The following ZNF44 variants were observed in gnomAD, a reference collection of about 807,000 sequenced individuals.
ZNF44 encodes gonadotropin inducible transcription repressor-2.
ZNF44 carries 9 observed loss-of-function variants against 11.7 expected under a neutral mutation model. The observed-to-expected ratio is 0.77, with a 90% CI of 0.46 to 1.35. The LOEUF is 1.35. Among genes scored for constraint, ZNF44 ranks in the 40% most tolerant of loss-of-function variants. ZNF44 has a pLI of 0.00. For missense variants in ZNF44, 696 were observed against 743.1 expected (o/e 0.94, Z 0.74); for synonymous variants, 224 against 242.7 (o/e 0.92, Z 0.72).
At chr19:12,264,254 T>G (rs992856572) in intron 5 of ZNF44, among the ~76,000 whole-genome samples, 1 of 152,196 alleles carries the variant, frequency 6.6e-6, no homozygotes, top group Non-Finnish European at 1.5e-5. Flanking sequence ...CTTTCCTTGA[T>G]AGGTGTGAGT....
At chr19:12,275,063 A>G (rs1255262765) in intron 2 of ZNF44, 30 bp from the exon 3 acceptor site, 4 of 1,495,008 alleles carry the variant, frequency 2.7e-6, no homozygotes, top group East Asian at 4.7e-5. Context: ...AATTCACTAT[A>G]AATTATTACA....
chr19:12,291,580 C>T (rs779216455), intron 1 of ZNF44, among the ~76,000 whole-genome samples: 11 of 151,884 alleles, frequency 7.2e-5, no homozygotes, highest in Non-Finnish European at 1.3e-4. Context: ...CGCCTGTAGT[C>T]GCAGCTACTT....
chr19:12,247,770 C>T (rs1186974532), exon 8 of ZNF44: 2 of 1,308,786 alleles, frequency 1.5e-6, no homozygotes, highest in South Asian at 1.2e-5. Context: ...ACATTTTTTA[C>T]ACTCAAAGGG....
chr19:12,239,121 C>T (rs372186632), upstream of ZNF44, among the ~76,000 whole-genome samples: 43 of 152,180 alleles, frequency 2.8e-4, no homozygotes, highest in South Asian at 8.5e-3. Flanking sequence ...CTGAACTAAA[C>T]AGATTTTTTT....
downstream of ZNF44, among the ~76,000 whole-genome samples, chr19:12,269,836 G>A (rs1966897698): frequency 6.6e-6 from 1 of 152,146 alleles, no homozygotes. Context: ...ATATATCCAT[G>A]GAGGTGATAC....
chr19:12,276,372 T>C (rs1282279279), intron 1 of ZNF44, among the ~76,000 whole-genome samples: 1 of 152,250 alleles, frequency 6.6e-6, no homozygotes, highest in Non-Finnish European at 1.5e-5. Flanking sequence ...ACAGTGGGTC[T>C]GTAGTCCTTG....
intron 1 of ZNF44, among the ~76,000 whole-genome samples, chr19:12,288,961 C>A (rs1967887363): frequency 6.6e-6 from 1 of 151,460 alleles, no homozygotes; most frequent in Admixed American, 6.6e-5. Flanking sequence ...TTATAAATAA[C>A]TAGCTGAACA....
intron 5 of ZNF44, among the ~76,000 whole-genome samples, chr19:12,257,885 C>T (rs1235925430): frequency 1.3e-5 from 2 of 151,232 alleles, no homozygotes; most frequent in South Asian, 2.1e-4. Context: ...GCAGAAGAAT[C>T]ACTTGAACCC....
At chr19:12,294,330 A>G (rs1968147841) in intron 1 of ZNF44, among the ~76,000 whole-genome samples, 1 of 152,046 alleles carries the variant, frequency 6.6e-6, no homozygotes, top group South Asian at 2.1e-4. Flanking sequence ...GTCCTCTCCT[A>G]TTAAACCGTT....
At chr19:12,293,159 C>G in intron 1 of ZNF44, 1 of 1,477,162 alleles carries the variant, frequency 6.8e-7, no homozygotes, top group Non-Finnish European at 9.0e-7. Context: ...CGTGAGCCAC[C>G]GCGCCCAGCC....
upstream of ZNF44, chr19:12,237,921 T>C (rs2459011): frequency 0.061 from 9,291 of 152,330 alleles, 963 homozygotes; most frequent in African/African-American, 0.21. Context: ...GTTTCTTCCT[T>C]CTGGACGGGG....
At chr19:12,229,331 C>T (rs560815629) in intron 3 of ZNF44, among the ~76,000 whole-genome samples, 27 of 152,238 alleles carry the variant, frequency 1.8e-4, no homozygotes, top group African/African-American at 6.5e-4. Context: ...TTGAGAGGTA[C>T]TTATTCACCT....
chr19:12,266,146 G>T, intron 5 of ZNF44: 3 of 625,922 alleles, frequency 4.8e-6, no homozygotes, highest in Non-Finnish European at 6.0e-6. Context: ...GGGACCGAGG[G>T]CCGAGCTGTG....
chr19:12,245,685 G>A (rs76180773), downstream of ZNF44, among the ~76,000 whole-genome samples: 385 of 152,162 alleles, frequency 2.5e-3, 3 homozygotes, highest in African/African-American at 8.8e-3. Flanking sequence ...AGAGATGAGG[G>A]GAGTCAGAAC....
At chr19:12,283,511 A>G (rs1967577372) in intron 1 of ZNF44, among the ~76,000 whole-genome samples, 1 of 151,948 alleles carries the variant, frequency 6.6e-6, no homozygotes, top group South Asian at 2.1e-4. Context: ...TTGTATTTTT[A>G]GTAGAGACGG....
intron 5 of ZNF44, among the ~76,000 whole-genome samples, chr19:12,255,788 C>T (rs1341375599): frequency 1.3e-5 from 2 of 152,046 alleles, no homozygotes; most frequent in Non-Finnish European, 2.9e-5. Flanking sequence ...TCCTGTAATG[C>T]CAGCACTTCG....
intron 1 of ZNF44, chr19:12,285,113 T>G (rs1030554537): frequency 1.6e-6 from 1 of 644,072 alleles, no homozygotes; most frequent in African/African-American, 1.8e-5. Flanking sequence ...AGGAATTCAC[T>G]GACCACCTCG....
intron 3 of ZNF44, among the ~76,000 whole-genome samples, chr19:12,274,539 G>A (rs1411753667): frequency 6.6e-6 from 1 of 151,460 alleles, no homozygotes. Flanking sequence ...CTCCCAAAGT[G>A]CTGGGATTAC....
intron 5 of ZNF44, among the ~76,000 whole-genome samples, chr19:12,254,718 G>C (rs918234204): frequency 7.9e-5 from 12 of 151,840 alleles, no homozygotes; most frequent in Admixed American, 7.2e-4. Context: ...CTGGGCGACA[G>C]AGCGAGACTC....
Sources: gnomAD v4.1 joint callset for allele counts (sites outside exome capture counted in the v4.1 genomes callset) on GRCh38, gnomAD v4.1.1 for gene constraint, MANE v1.5 for transcripts, NCBI Gene and HGNC (gene_info 2026-07-23, HGNC 2026-07-21) for gene names.